Variants in DCC observed in about 807,000 individuals in gnomAD.
DCC encodes DCC netrin 1 receptor.
In DCC, 58 loss-of-function variants were observed where a neutral mutation model predicts 172.5. That is an observed-to-expected ratio of 0.34 (90% CI 0.27 to 0.42). DCC has a LOEUF of 0.42. Among genes scored for constraint, DCC ranks in the 10% least tolerant of loss-of-function variants. The pLI is 1.00. For missense variants in DCC, 1,740 were observed against 1,791.0 expected, an observed-to-expected ratio of 0.97 and a Z score of 0.51; for synonymous variants, 709 against 644.5, an observed-to-expected ratio of 1.10 and a Z score of -1.52.
chr18:52,946,859 G>A (rs2040554171), intron 5 of DCC, among the ~76,000 whole-genome samples: 1 of 152,074 alleles, frequency 6.6e-6, no homozygotes, highest in Non-Finnish European at 1.5e-5. Context: ...AAATTTAAGA[G>A]GTGCCAAAAA....
chr18:53,374,316 T>C (rs1326884739), intron 15 of DCC, among the ~76,000 whole-genome samples: 1 of 152,160 alleles, frequency 6.6e-6, no homozygotes, highest in Non-Finnish European at 1.5e-5. Flanking sequence ...TTATAGTATT[T>C]AGTAGATTGC....
intron 1 of DCC, among the ~76,000 whole-genome samples, chr18:52,664,411 T>C (rs1483572081): frequency 6.6e-6 from 1 of 151,930 alleles, no homozygotes; most frequent in Non-Finnish European, 1.5e-5. Context: ...TTAAATTATG[T>C]CCAGAAATGC....
chr18:52,763,407 A>T (rs1385285370), intron 2 of DCC, among the ~76,000 whole-genome samples: 1 of 152,206 alleles, frequency 6.6e-6, no homozygotes, highest in Non-Finnish European at 1.5e-5. Context: ...TTTGATGCAG[A>T]AGGCACAGGT....
intron 2 of DCC, among the ~76,000 whole-genome samples, chr18:52,860,547 A>G (rs2039124839): frequency 6.6e-6 from 1 of 152,246 alleles, no homozygotes; most frequent in Admixed American, 6.5e-5. Flanking sequence ...TTTTCTTTTG[A>G]AACATAATTT....
At chr18:52,932,839 A>G (rs1045952016) in intron 5 of DCC, among the ~76,000 whole-genome samples, 5 of 151,932 alleles carry the variant, frequency 3.3e-5, no homozygotes. Flanking sequence ...ACATGCACTT[A>G]CTCTCTATTT....
chr18:52,636,666 G>T (rs1422552462), intron 1 of DCC, among the ~76,000 whole-genome samples: 1 of 152,082 alleles, frequency 6.6e-6, no homozygotes, highest in Non-Finnish European at 1.5e-5. Flanking sequence ...ACAGCAGCAA[G>T]ACCCACCCCA....
At chr18:53,068,714 T>C (rs985355292) in intron 7 of DCC, among the ~76,000 whole-genome samples, 1 of 151,736 alleles carries the variant, frequency 6.6e-6, no homozygotes, top group Admixed American at 6.6e-5. Context: ...GAGGTTGTCA[T>C]GGTATTTTCT....
At chr18:52,548,809 G>A (rs1298499478) in intron 1 of DCC, among the ~76,000 whole-genome samples, 4 of 152,078 alleles carry the variant, frequency 2.6e-5, no homozygotes, top group Admixed American at 2.0e-4. Flanking sequence ...CAAAATGTAA[G>A]TGATTTGATC....
intron 7 of DCC, among the ~76,000 whole-genome samples, chr18:53,097,356 T>G (rs1490949020): frequency 6.6e-6 from 1 of 152,210 alleles, no homozygotes; most frequent in African/African-American, 2.4e-5. Flanking sequence ...CACTACATCC[T>G]GTTGCCACCT....
chr18:52,482,896 C>T (rs2030026880), intron 1 of DCC, among the ~76,000 whole-genome samples: 1 of 152,056 alleles, frequency 6.6e-6, no homozygotes, highest in South Asian at 2.1e-4. Flanking sequence ...GGGCTGCTGT[C>T]CTAGGGCTGC....
At chr18:52,993,241 G>T (rs993272299) in intron 5 of DCC, among the ~76,000 whole-genome samples, 22 of 152,140 alleles carry the variant, frequency 1.4e-4, no homozygotes, top group African/African-American at 3.4e-4. Context: ...AAGGCAGAGG[G>T]ATAAGAAAAG....
chr18:53,490,379 T>C (rs1410183587), intron 26 of DCC, among the ~76,000 whole-genome samples: 3 of 152,246 alleles, frequency 2.0e-5, no homozygotes, highest in African/African-American at 4.8e-5. Flanking sequence ...TCACATATTG[T>C]AGTTTTTATA....
At chr18:52,919,169 A>G (rs750853995) in intron 3 of DCC, among the ~76,000 whole-genome samples, 13 of 152,198 alleles carry the variant, frequency 8.5e-5, no homozygotes, top group Admixed American at 7.9e-4. Context: ...AGAGACAGCA[A>G]TGGCAAAAGC....
At chr18:52,823,826 G>C (rs117971751) in intron 2 of DCC, among the ~76,000 whole-genome samples, 1 of 152,092 alleles carries the variant, frequency 6.6e-6, no homozygotes, top group Non-Finnish European at 1.5e-5. Context: ...ATAATGGGGT[G>C]CCTGAGTGAG....
chr18:53,455,254 CTGCCTAATAA>C (rs2045469241), intron 23 of DCC, among the ~76,000 whole-genome samples: 2 of 152,172 alleles, frequency 1.3e-5, no homozygotes, highest in Non-Finnish European at 2.9e-5. Context: ...CTTTATTTGT[CTGCCTAATAA>C]AGTTGGGAAC....
chr18:52,792,799 C>CAGTTG (rs2037798527), intron 2 of DCC, among the ~76,000 whole-genome samples: 1 of 151,764 alleles, frequency 6.6e-6, no homozygotes, highest in Non-Finnish European at 1.5e-5. Context: ...CATTCCATTC[C>CAGTTG]ATTCCAGTTG....
chr18:53,030,909 T>A (rs1191957842), intron 5 of DCC, among the ~76,000 whole-genome samples: 1 of 152,166 alleles, frequency 6.6e-6, no homozygotes, highest in Non-Finnish European at 1.5e-5. Context: ...AGCAGTGTTG[T>A]CCACATCCAC....
intron 28 of DCC, chr18:53,530,280 C>A: frequency 1.4e-6 from 1 of 700,600 alleles, no homozygotes; most frequent in Non-Finnish European, 2.6e-6. Flanking sequence ...GACCACACAG[C>A]TAATAATTGG....
At chr18:52,947,131 A>T (rs1301179527) in intron 5 of DCC, among the ~76,000 whole-genome samples, 2 of 152,268 alleles carry the variant, frequency 1.3e-5, no homozygotes, top group Admixed American at 6.5e-5. Context: ...GAATATTTGT[A>T]TCAAAACATT....
Sources: gnomAD v4.1 joint callset for allele counts (sites outside exome capture counted in the v4.1 genomes callset) on GRCh38, gnomAD v4.1.1 for gene constraint, MANE v1.5 for transcripts, NCBI Gene and HGNC (gene_info 2026-07-23, HGNC 2026-07-21) for gene names.